CNTRL: variants seen among roughly 807,000 people sequenced by gnomAD.
CNTRL encodes the protein 110 kDa centrosomal protein.
CNTRL carries 233 observed loss-of-function variants against 303.7 expected under a neutral mutation model. That is an observed-to-expected ratio of 0.77 (90% CI 0.69 to 0.86). The LOEUF is 0.86. CNTRL is among the 40% of genes least tolerant of loss of function. CNTRL has a pLI of 0.00. For synonymous variants in CNTRL, 900 were observed against 922.2 expected (o/e 0.98, Z 0.44); for missense variants, 2,524 against 2,650.6 (o/e 0.95, Z 1.05).
At position 121,177,420 on chromosome 9, in the gene CNTRL, C is replaced by CT. The variant is rs958819283; in HGVS notation, c.*245dup. On this transcript the variant is annotated 3_prime_UTR_variant, in exon 44 of 44. Transcript: ENST00000373855. ...AATTTAAACCAACATGTGGCTGAGC[C>CT]TTTTTTTTTTTAATCTTCGTAACAT... 6.9e-3 allele frequency: 2,359 copies of CT among 342,958 alleles called. 1 individual carries two copies. The highest frequency in any genetic ancestry group is 9.6e-3 in the Middle Eastern group (14 of 1,464). 21.2% of individuals were successfully genotyped at this position (342,958 alleles called of 1,614,324 possible).
chr9:121,086,671 C>T (rs986447029), intron 2 of CNTRL, among the ~76,000 whole-genome samples: 3 of 141,892 alleles, frequency 2.1e-5, no homozygotes, highest in Non-Finnish European at 3.0e-5. Flanking sequence ...GATGGAGTCT[C>T]GCTCTGTTTC....
intron 13 of CNTRL, 36 bp from the exon 14 acceptor site, chr9:121,125,680 A>G: frequency 6.4e-7 from 1 of 1,574,278 alleles, no homozygotes; most frequent in Non-Finnish European, 8.7e-7. Context: ...AGTACTTTAA[A>G]AAGATATATT....
At chr9:121,075,652 T>G (rs2047891975) in intron 1 of CNTRL, among the ~76,000 whole-genome samples, 1 of 152,252 alleles carries the variant, frequency 6.6e-6, no homozygotes, top group Non-Finnish European at 1.5e-5. Context: ...ACCAGGTCTG[T>G]GACCCTGGAT....
chr9:121,081,218 T>TGA (rs2048127178), intron 2 of CNTRL, among the ~76,000 whole-genome samples: 1 of 152,228 alleles, frequency 6.6e-6, no homozygotes, highest in Non-Finnish European at 1.5e-5. Flanking sequence ...TCACAGCTTA[T>TGA]ATGTACCCAT....
At chr9:121,087,277 G>C (rs996882494) in intron 2 of CNTRL, among the ~76,000 whole-genome samples, 2 of 152,320 alleles carry the variant, frequency 1.3e-5, no homozygotes, top group Admixed American at 6.5e-5. Flanking sequence ...GAAAAGGAGA[G>C]TGAGAGGAGG....
In CNTRL at chr9:121,157,981, A is replaced by C. The variant is rs766925532; in HGVS notation, c.4638-2A>C. The C allele has an allele frequency of 6.2e-7, 1 of 1,614,126 alleles. No homozygotes were observed. The highest frequency in any genetic ancestry group is 1.1e-5 in the South Asian group (1 of 91,084). Reference sequence around the variant, plus strand: ...TGCTCTAGTGTTGCTGGTGCTTTGTAGGCTTCAGAAACTACAGAAAGACAT... The same window carrying C: ...TGCTCTAGTGTTGCTGGTGCTTTGTCGGCTTCAGAAACTACAGAAAGACAT... On this transcript the variant is annotated splice_acceptor_variant, in intron 29 of 43. Coordinates refer to ENST00000373855, the MANE Select transcript of CNTRL (RefSeq NM_007018.6). LOFTEE classifies it high-confidence loss of function.
rs1192656110 is a variant in CNTRL at position 121,152,545 on chromosome 9, G to C, written c.4024G>C (p.Glu1342Gln). The C allele has an allele frequency of 3.7e-6, 6 of 1,614,106 alleles. No homozygotes were observed. Among genetic ancestry groups the C allele is most frequent in the Non-Finnish European group, 5.1e-6 (6 of 1,180,004 alleles). Residue 1342 changes from glutamate to glutamine, a missense_variant, in exon 26 of 44, where the codon GAA becomes CAA. Glu to Gln is a conservative substitution (Grantham distance 29, BLOSUM62 2). Coordinates refer to ENST00000373855, the MANE Select transcript of CNTRL (RefSeq NM_007018.6). ...GCATTTAAAATCAAAGAAGCGGGAA[G>C]AAAGGTGGATGAGAGCATCCAAGCG... The part of the protein sequence containing the change: ...MQHLKSKKRE[E>Q]RWMRASKRQS...
Position 121,096,463 on chromosome 9 carries a change from T to A in CNTRL, c.521T>A (p.Leu174His), listed in dbSNP as rs1461450875. Residue 174 changes from leucine (L) to histidine (H), a missense_variant, in exon 6 of 44, where the codon CTT (leucine) becomes CAT (histidine). Physicochemically the swap from Leu to His is moderately conservative, Grantham distance 99. Coordinates refer to ENST00000373855, the MANE Select transcript of CNTRL (RefSeq NM_007018.6). ...GIENMCNLQK[L>H]NLAGNEIEHI... Reference sequence around the variant, plus strand: ...GAAAATATGTGTAATCTGCAAAAGCTTAACCTTGCAGGAAATGAAATTGAG... The same window carrying A: ...GAAAATATGTGTAATCTGCAAAAGCATAACCTTGCAGGAAATGAAATTGAG... The A allele has an allele frequency of 6.4e-7, 1 of 1,573,116 alleles. No individual in the cohort carries two copies. The highest frequency in any genetic ancestry group is 1.2e-5 in the South Asian group (1 of 83,108).
intron 4 of CNTRL, among the ~76,000 whole-genome samples, chr9:121,090,635 C>T (rs901563925): frequency 6.6e-6 from 1 of 152,206 alleles, no homozygotes; most frequent in Non-Finnish European, 1.5e-5. Context: ...GTACAGCTTA[C>T]AGGCCAGATC....
chr9:121,159,848 C>T lies in CNTRL; in HGVS notation c.4930-295C>T, dbSNP rs544221894. ...CCCTGCCTTACCACTCAACAAGGTA[C>T]TAAGCCCCTCCAGAGCAGGAGCCAT... On this transcript the variant is annotated intron_variant, in intron 31 of 43. Transcript: ENST00000373855. 1.6e-3 allele frequency among the ~76,000 whole-genome samples: 241 copies of T among 152,294 alleles called. 3 individuals carry two copies. The highest frequency in any genetic ancestry group is 5.5e-3 in the African/African-American group (229 of 41,574).
At chr9:121,136,279 A>G (rs2051187535) in intron 15 of CNTRL, among the ~76,000 whole-genome samples, 1 of 152,182 alleles carries the variant, frequency 6.6e-6, no homozygotes, top group Admixed American at 6.5e-5. Flanking sequence ...TTGATACTCA[A>G]TAAATGCTAG....
chr9:121,099,447 G>A (rs1270059917), intron 7 of CNTRL, among the ~76,000 whole-genome samples: 1 of 152,166 alleles, frequency 6.6e-6, no homozygotes, highest in Non-Finnish European at 1.5e-5. Flanking sequence ...ACAAAGATGG[G>A]GAGAAACCAG....
chr9:121,124,533 C>T (rs2050398643), intron 13 of CNTRL, among the ~76,000 whole-genome samples: 1 of 152,140 alleles, frequency 6.6e-6, no homozygotes, highest in African/African-American at 2.4e-5. Flanking sequence ...GGTTTTTACA[C>T]ATAGGGCTCA....
At chr9:121,087,351 T>C (rs766836015) in intron 2 of CNTRL, among the ~76,000 whole-genome samples, 32 of 152,036 alleles carry the variant, frequency 2.1e-4, no homozygotes, top group Non-Finnish European at 3.5e-4. Flanking sequence ...ACGTAGGCAA[T>C]TGGAAATAGG....
chr9:121,141,427 C>G lies in CNTRL; in HGVS notation c.2530C>G (p.Gln844Glu). The G allele has an allele frequency of 1.2e-6, 2 of 1,613,986 alleles. No individual in the cohort carries two copies. Among genetic ancestry groups the G allele is most frequent in the African/African-American group, 2.7e-5 (2 of 75,008 alleles). The change falls in exon 18 of 44, where the codon CAG (glutamine) becomes GAG (glutamate). Residue 844 changes from glutamine to glutamate, a missense_variant. Coordinates refer to ENST00000373855, the MANE Select transcript of CNTRL (RefSeq NM_007018.6). ...DVLGKSLADL[Q>E]KQFSEILARS... ...CTTAGGGAAAAGTCTTGCTGATTTA[C>G]AGAAACAATTCAGTGAAATTCTTGC...
At chr9:121,100,203 C>T (rs920777161) in intron 7 of CNTRL, among the ~76,000 whole-genome samples, 2 of 152,082 alleles carry the variant, frequency 1.3e-5, no homozygotes, top group African/African-American at 2.4e-5. Context: ...GACTAACAGC[C>T]GATCTCTTGG....
chr9:121,150,060 C>T (rs2052131076), intron 24 of CNTRL, 110 bp from the exon 25 acceptor site: 1 of 750,028 alleles, frequency 1.3e-6, no homozygotes, highest in Non-Finnish European at 2.1e-6. Context: ...CTCACATCTG[C>T]AGTATCTTGG....
Position 121,142,206 on chromosome 9 carries a change from A to G in CNTRL, c.2807A>G (p.Gln936Arg), listed in dbSNP as rs1193650192. 14 of 1,612,568 alleles carry G rather than the reference A, an allele frequency of 8.7e-6. No individual in the cohort carries two copies. Among genetic ancestry groups the G allele is most frequent in the Non-Finnish European group, 1.2e-5 (14 of 1,179,472 alleles). ...GAAATCCAAGGCCTTACAGATCTCC[A>G]ACTTCAGGAAGCTGATGAAGAGAAG... is the stretch of plus-strand genomic sequence containing the variant. The part of the protein sequence containing the change: ...MEEIQGLTDL[Q>R]LQEADEEKER... Residue 936 changes from glutamine (Q) to arginine (R), a missense_variant, in exon 19 of 44, where the codon CAA becomes CGA. By Grantham distance (43) the Gln-to-Arg change is conservative. Transcript: ENST00000373855.
intron 39 of CNTRL, among the ~76,000 whole-genome samples, chr9:121,170,451 A>C (rs1376502897): frequency 6.8e-6 from 1 of 147,020 alleles, no homozygotes. Context: ...GCTCATAGAG[A>C]GTTTATTTTT....
Sources: allele counts gnomAD v4.1 joint callset (sites outside exome capture counted in the v4.1 genomes callset), GRCh38; gene constraint gnomAD v4.1.1; transcripts MANE v1.5; gene names NCBI Gene and HGNC (gene_info 2026-07-23, HGNC 2026-07-21).